The following LRBA variants were observed in gnomAD, a reference collection of about 807,000 sequenced individuals.
LRBA encodes lipopolysaccharide-responsive and beige-like anchor protein.
In LRBA, 176 loss-of-function variants were observed where a neutral mutation model predicts 330.0. That is an observed-to-expected ratio of 0.53 (90% CI 0.47 to 0.60). The LOEUF (loss-of-function observed/expected upper bound fraction) is 0.60. LRBA is among the 20% of genes least tolerant of loss of function. LRBA has a pLI of 0.00. For missense variants in LRBA, 3,259 were observed against 3,444.8 expected (o/e 0.95, Z 1.35); for synonymous variants, 1,230 against 1,193.0 (o/e 1.03, Z -0.64).
At chr4:150,364,432 A>G (rs1331030391) in intron 47 of LRBA, among the ~76,000 whole-genome samples, 1 of 152,270 alleles carries the variant, frequency 6.6e-6, no homozygotes, top group Non-Finnish European at 1.5e-5. Flanking sequence ...CACAGCTAGT[A>G]AATGTCAGAG....
chr4:150,366,091 A>G (rs1201697772), intron 47 of LRBA, among the ~76,000 whole-genome samples: 1 of 152,212 alleles, frequency 6.6e-6, no homozygotes, highest in Non-Finnish European at 1.5e-5. Context: ...TGATTTTAAT[A>G]TCTCTTAAAT....
chr4:150,513,596 G>T lies in LRBA; in HGVS notation c.6331-22561C>A, dbSNP rs568013488. ...GGTGTGATTTCTTGGAGTTCTGGAG[G>T]CTGGGAAGTCCAAGATCAAGTTGCC... On this transcript the variant is annotated intron_variant, in intron 40 of 56. Coordinates refer to ENST00000651943, the MANE Select transcript of LRBA (RefSeq NM_001364905.1). Among the ~76,000 whole-genome samples, 4 of 152,306 alleles carry T rather than the reference G, an allele frequency of 2.6e-5. No individual in the cohort carries two copies. In the South Asian group the frequency reaches 8.3e-4, roughly 32 times the overall value.
chr4:150,340,634 T>C (rs1328727026), intron 48 of LRBA, among the ~76,000 whole-genome samples: 1 of 152,184 alleles, frequency 6.6e-6, no homozygotes, highest in Non-Finnish European at 1.5e-5. Context: ...TGTGCCCAGC[T>C]TAAAGTGCTT....
chr4:150,454,453 G>A (rs957721228), intron 44 of LRBA, among the ~76,000 whole-genome samples: 1 of 151,738 alleles, frequency 6.6e-6, no homozygotes, highest in Non-Finnish European at 1.5e-5. Flanking sequence ...TGTTACTAAC[G>A]ACTTTTAATT....
chr4:150,867,435 C>T (rs1173830051), intron 22 of LRBA, among the ~76,000 whole-genome samples: 4 of 152,002 alleles, frequency 2.6e-5, no homozygotes, highest in Admixed American at 1.3e-4. Context: ...AATAGATTTA[C>T]CATTATAAAG....
chr4:150,677,253 C>T (rs745958893), intron 37 of LRBA, among the ~76,000 whole-genome samples: 17 of 152,012 alleles, frequency 1.1e-4, no homozygotes, highest in Admixed American at 4.6e-4. Flanking sequence ...ATAGAACTTA[C>T]TGTCAAGTAC....
At chr4:150,579,416 G>C (rs966813680) in intron 40 of LRBA, 16 of 442,808 alleles carry the variant, frequency 3.6e-5, no homozygotes, top group Non-Finnish European at 5.8e-5. Context: ...TTATTTGCTG[G>C]AAGTGTTTAA....
chr4:150,897,877 G>C, intron 14 of LRBA, 59 bp from the exon 15 acceptor site: 1 of 1,156,946 alleles, frequency 8.6e-7, no homozygotes. Context: ...AGCTGTCAAA[G>C]TATAAAATTC....
At chr4:150,526,774 C>G (rs2152186730) in intron 40 of LRBA, among the ~76,000 whole-genome samples, 1 of 152,108 alleles carries the variant, frequency 6.6e-6, no homozygotes, top group South Asian at 2.1e-4. Flanking sequence ...GTATGGATTC[C>G]TAACAGATGA....
intron 40 of LRBA, among the ~76,000 whole-genome samples, chr4:150,559,389 C>T (rs374370748): frequency 4.7e-5 from 7 of 150,528 alleles, no homozygotes; most frequent in Non-Finnish European, 1.0e-4. Flanking sequence ...GGTGAAACCC[C>T]GTCTCTACTA....
intron 35 of LRBA, among the ~76,000 whole-genome samples, chr4:150,743,844 T>A (rs1348279908): frequency 6.6e-6 from 1 of 152,156 alleles, no homozygotes; most frequent in Non-Finnish European, 1.5e-5. Flanking sequence ...TTTACAACAA[T>A]CAATAATCAA....
Position 150,852,225 on chromosome 4 carries a change from A to T in LRBA, c.3485T>A (p.Val1162Asp), listed in dbSNP as rs1750701872. ...DKLIFQEGKP[V>D]TEKQTDTETQ... ...TTCAGTATCAGTTTGCTTTTCAGTA[A>T]CAGGTTTTCCTTCTTGAAATATTAA... is the stretch of plus-strand genomic sequence containing the variant. The change falls in exon 23 of 57, where the codon GTT becomes GAT. Residue 1162 changes from valine (V) to aspartate (D), a missense_variant. Transcript: ENST00000651943. 1.2e-6 allele frequency: 2 copies of T among 1,614,004 alleles called. No individual in the cohort carries two copies. Among genetic ancestry groups the T allele is most frequent in the Non-Finnish European group, 1.7e-6 (2 of 1,180,010 alleles).
At chr4:150,673,273 C>T (rs905869108) in intron 37 of LRBA, among the ~76,000 whole-genome samples, 2 of 152,012 alleles carry the variant, frequency 1.3e-5, no homozygotes, top group African/African-American at 2.4e-5. Flanking sequence ...TTTACTAAAC[C>T]GAAAATTTTA....
At chr4:151,008,894 C>G (rs1317901902) in intron 2 of LRBA, among the ~76,000 whole-genome samples, 2 of 141,026 alleles carry the variant, frequency 1.4e-5, no homozygotes, top group African/African-American at 5.3e-5. Flanking sequence ...TGCTTGAACC[C>G]GGGAGGCGGA....
chr4:150,972,955 T>C (rs1036177916), intron 2 of LRBA, among the ~76,000 whole-genome samples: 4 of 152,096 alleles, frequency 2.6e-5, no homozygotes, highest in African/African-American at 4.8e-5. Flanking sequence ...ATGGCAAACT[T>C]TGAGAACAAA....
At chr4:150,303,325 C>CA (rs1729917266) in intron 52 of LRBA, among the ~76,000 whole-genome samples, 1 of 152,096 alleles carries the variant, frequency 6.6e-6, no homozygotes, top group Admixed American at 6.5e-5. Flanking sequence ...TCTACCTTTT[C>CA]AAATCAGGAT....
In LRBA at chr4:150,915,558, T is replaced by C. The variant is rs752340673; in HGVS notation, c.1014+50A>G. 6 of 1,535,682 alleles carry C rather than the reference T, an allele frequency of 3.9e-6. No individual in the cohort carries two copies. The Admixed American group carries it at 1.2e-4, about 31-fold the overall frequency. On this transcript the variant is annotated intron_variant, in intron 8 of 56. Coordinates refer to ENST00000651943, the MANE Select transcript of LRBA (RefSeq NM_001364905.1). ...TAAAACTTTTTCTTGTTTAAAAAGC[T>C]CATGCTTTTAAAATCACTTTTTTCA... is the stretch of plus-strand genomic sequence containing the variant.
intron 40 of LRBA, among the ~76,000 whole-genome samples, chr4:150,511,767 A>G (rs538640564): frequency 2.0e-5 from 3 of 152,360 alleles, no homozygotes; most frequent in African/African-American, 7.2e-5. Context: ...ACAGTCTTTG[A>G]GAGGTTAGAT....
Position 150,271,746 on chromosome 4 carries a change from G to A in LRBA, c.8469-5934C>T, listed in dbSNP as rs117327521. Among the ~76,000 whole-genome samples the A allele has an allele frequency of 1.2e-3, 179 of 152,330 alleles. 3 individuals are homozygous for A. The East Asian group carries it at 0.031, about 27-fold the overall frequency. On this transcript the variant is annotated intron_variant, in intron 56 of 56. Transcript: ENST00000651943. ...ACGGTGTAAACAAAGCCTCTGGGGA[G>A]TTCGAATTGGGTGGAGCTCACTGCA...
Sources: allele counts gnomAD v4.1 joint callset (sites outside exome capture counted in the v4.1 genomes callset), GRCh38; gene constraint gnomAD v4.1.1; transcripts MANE v1.5; gene names NCBI Gene and HGNC (gene_info 2026-07-23, HGNC 2026-07-21).